Variants in ZIC4 observed in about 807,000 individuals in gnomAD.
The protein encoded by ZIC4 is Zic family zinc finger 4.
In ZIC4, 15 loss-of-function variants were observed where a neutral mutation model predicts 28.8. The observed-to-expected ratio is 0.52, with a 90% confidence interval of 0.35 to 0.80. The LOEUF is 0.80. Among genes scored for constraint, ZIC4 ranks in the 30% least tolerant of loss-of-function variants. ZIC4 has a pLI of 0.01. For synonymous variants in ZIC4, 220 were observed against 198.1 expected, an observed-to-expected ratio of 1.11 and a Z score of -0.93; for missense variants, 512 against 467.1, an observed-to-expected ratio of 1.10 and a Z score of -0.89.
chr3:147,394,735 T>A (rs908384811), intron 3 of ZIC4, among the ~76,000 whole-genome samples: 2 of 152,198 alleles, frequency 1.3e-5, no homozygotes, highest in Non-Finnish European at 2.9e-5. Context: ...AGGCTCCAAG[T>A]GGACTTTGGT....
At chr3:147,395,598 C>CA (rs1239769530) in intron 3 of ZIC4, among the ~76,000 whole-genome samples, 1 of 152,214 alleles carries the variant, frequency 6.6e-6, no homozygotes, top group Non-Finnish European at 1.5e-5. Flanking sequence ...CATGTTTGCA[C>CA]ACACAGGGTC....
chr3:147,393,930 G>A (rs2086982829), intron 3 of ZIC4: 1 of 456,624 alleles, frequency 2.2e-6, no homozygotes. Flanking sequence ...TCAAAGCCAG[G>A]CCCCGGATTC....
At chr3:147,395,815 G>A (rs2107973551) in intron 3 of ZIC4, 37 bp downstream of exon 3, 2 of 1,579,558 alleles carry the variant, frequency 1.3e-6, no homozygotes, top group Non-Finnish European at 1.7e-6. Context: ...TGCTTCCCCA[G>A]AGGGTCCGCA....
intron 4 of ZIC4, chr3:147,389,195 TA>T (rs2086857412): frequency 2.6e-6 from 1 of 384,632 alleles, no homozygotes; most frequent in Admixed American, 4.2e-5. Context: ...ACGGATTCAC[TA>T]AAGGTGTATT....
chr3:147,390,588 C>A (rs1283722688), intron 4 of ZIC4, among the ~76,000 whole-genome samples: 1 of 152,076 alleles, frequency 6.6e-6, no homozygotes. Flanking sequence ...TTTTATGATA[C>A]CCAGTCATGA....
intron 3 of ZIC4, chr3:147,393,984 GC>G (rs765937901): frequency 1.5e-5 from 7 of 455,892 alleles, no homozygotes; most frequent in South Asian, 1.1e-4. Context: ...GCTCCTGTTT[GC>G]CGCTTCTGCT....
At chr3:147,403,094 G>A (rs2087203322) in intron 1 of ZIC4, among the ~76,000 whole-genome samples, 1 of 152,078 alleles carries the variant, frequency 6.6e-6, no homozygotes, top group Non-Finnish European at 1.5e-5. Context: ...GCAAGCAGAA[G>A]TAATCTCTCT....
Position 147,402,748 on chromosome 3 carries a change from C to G in ZIC4, c.50G>C (p.Arg17Pro). 5.6e-6 allele frequency: 9 copies of G among 1,613,260 alleles called. No homozygotes were observed. Among genetic ancestry groups the G allele is most frequent in the Non-Finnish European group, 7.6e-6 (9 of 1,179,710 alleles). The change falls in exon 2 of 5, where the codon CGA becomes CCA. Residue 17 changes from arginine to proline, a missense_variant. Arg to Pro is a moderately radical substitution (Grantham distance 103). Coordinates refer to ENST00000383075, the MANE Select transcript of ZIC4 (RefSeq NM_032153.6). ...LVMRKRLRLYRNTLKESSSSS... is the reference protein window; with the variant it reads ...LVMRKRLRLYPNTLKESSSSS... ...CTTACTTGACTCTTTAAGAGTGTTT[C>G]GGTAAAGCCGTAATCGTTTCCTCAT...
intron 3 of ZIC4, among the ~76,000 whole-genome samples, chr3:147,395,479 T>C (rs1307404915): frequency 1.3e-5 from 2 of 152,186 alleles, no homozygotes; most frequent in Non-Finnish European, 1.5e-5. Context: ...TGCTGCGCAA[T>C]TCCAAAGGGA....
intron 4 of ZIC4, among the ~76,000 whole-genome samples, chr3:147,389,762 A>T (rs2107962209): frequency 6.6e-6 from 1 of 152,254 alleles, no homozygotes; most frequent in South Asian, 2.1e-4. Flanking sequence ...ATTGTGGATC[A>T]TTTCTCTAGT....
At position 147,396,170 on chromosome 3, in the gene ZIC4, T is replaced by A; in HGVS notation, c.370A>T (p.Ile124Phe). 6.2e-7 allele frequency: 1 copy of A among 1,614,082 alleles called. No individual in the cohort carries two copies. Among genetic ancestry groups the A allele is most frequent in the Non-Finnish European group, 8.5e-7 (1 of 1,180,012 alleles). ...GAFFRYMRQP[I>F]KQELICKWLA... ...CACTTGCAGATGAGCTCCTGTTTGA[T>A]GGGCTGGCGCATGTAGCGGAAGAAA... Residue 124 changes from isoleucine to phenylalanine, a missense_variant, in exon 3 of 5, where the codon ATC (isoleucine) becomes TTC (phenylalanine). This residue lies in a region of ZIC4 where 310 missense variants were observed against 256.5 expected (regional missense o/e 1.21). Transcript: ENST00000383075. This position sits in a 1 kb window ranked among gnomAD's most constrained non-coding sequence, Gnocchi z 4.2.
Position 147,388,553 on chromosome 3 carries a change from T to C in ZIC4, c.*306A>G. The C allele has an allele frequency of 2.5e-6, 1 of 397,430 alleles. No individual in the cohort carries two copies. Among genetic ancestry groups the C allele is most frequent in the Non-Finnish European group, 4.4e-6 (1 of 224,948 alleles). The allele number at this position is 397,430 out of a possible 1,614,324, so 24.6% of individuals were successfully genotyped here. A position where few individuals can be genotyped will look rare whatever the true frequency, so the allele number is the denominator to read the frequency against. On this transcript the variant is annotated 3_prime_UTR_variant, in exon 5 of 5. Transcript: ENST00000383075. ...AGTGCCCATTCGCGTGGGTTTTGTT[T>C]ACCGGAAATTAAATGAAAATGATTT...
In ZIC4 at chr3:147,405,012, C is replaced by T. The variant is rs1263724940; in HGVS notation, c.-16+1351G>A. On this transcript the variant is annotated intron_variant, in intron 1 of 4. Coordinates refer to ENST00000383075, the MANE Select transcript of ZIC4 (RefSeq NM_032153.6). ...GCTCTGAGCCAGAGAGGAAACTGGC[C>T]CCGGCCTTTGCCCGCTGCCTGATTT... Among the ~76,000 whole-genome samples, 3 of 152,208 alleles carry T rather than the reference C, an allele frequency of 2.0e-5. No homozygotes were observed. The East Asian group carries it at 5.8e-4, about 29-fold the overall frequency.
chr3:147,388,810 G>C lies in ZIC4; in HGVS notation c.*49C>G. 1 of 772,512 alleles carries C rather than the reference G, an allele frequency of 1.3e-6. No individual in the cohort carries two copies. The highest frequency in any genetic ancestry group is 1.4e-5 in the South Asian group (1 of 72,526). The allele number at this position is 772,512 out of a possible 1,614,324, so 47.9% of individuals were successfully genotyped here. ...TGATGTAGCAGGCGCGAGATGCGGG[G>C]CGCTCAGCTGCGCGGAGCGAGATTA... On this transcript the variant is annotated 3_prime_UTR_variant, in exon 5 of 5. Transcript: ENST00000383075.
chr3:147,404,004 CA>C (rs1224560206), intron 1 of ZIC4: 68 of 1,536,916 alleles, frequency 4.4e-5, no homozygotes, highest in Non-Finnish European at 5.8e-5. Flanking sequence ...TCTTTCTAAC[CA>C]AAAGGCATTC....
chr3:147,404,863 G>A (rs1422920851), intron 1 of ZIC4, among the ~76,000 whole-genome samples: 1 of 152,232 alleles, frequency 6.6e-6, no homozygotes, highest in Non-Finnish European at 1.5e-5. Flanking sequence ...GCTGCAGCTA[G>A]AGACTTCAGT....
At chr3:147,392,402 A>C in intron 3 of ZIC4, 1 of 985,466 alleles carries the variant, frequency 1.0e-6, no homozygotes, top group Non-Finnish European at 1.2e-6. Flanking sequence ...GGCCGGACCG[A>C]GCCCCAATCG....
rs930012159 is a variant in ZIC4 at position 147,404,256 on chromosome 3, C to A, written c.-15-1444G>T. 4.9e-6 allele frequency: 7 copies of A among 1,436,958 alleles called. No individual in the cohort carries two copies. In the African/African-American group the frequency reaches 1.0e-4, roughly 21 times the overall value. The allele number at this position is 1,436,958 out of a possible 1,614,324, so 89.0% of individuals were successfully genotyped here. On this transcript the variant is annotated intron_variant, in intron 1 of 4. Transcript: ENST00000383075. ...GTCCACCCATAAGGCAGCCCCAACC[C>A]AACTTCTAAGAGGTCTGGATCACTT...
intron 2 of ZIC4, among the ~76,000 whole-genome samples, chr3:147,398,108 G>C (rs1033596559): frequency 2.0e-5 from 3 of 152,148 alleles, no homozygotes; most frequent in African/African-American, 7.2e-5. Flanking sequence ...ACACCCACCC[G>C]CAGGCCTGCT....
Sources: gnomAD v4.1 joint callset for allele counts (sites outside exome capture counted in the v4.1 genomes callset) on GRCh38, gnomAD v4.1.1 for gene constraint, gnomAD v4.1.1 regional missense constraint, Gnocchi (gnomAD v3.1) non-coding constraint, MANE v1.5 for transcripts, NCBI Gene and HGNC (gene_info 2026-07-23, HGNC 2026-07-21) for gene names.